SLC4A4: variants seen among roughly 807,000 people sequenced by gnomAD.
SLC4A4 encodes the protein solute carrier family 4 member 4.
In SLC4A4, 27 loss-of-function variants were observed where a neutral mutation model predicts 111.5. The ratio of observed to expected loss-of-function variants is 0.24; its 90% CI spans 0.18 to 0.33. The LOEUF is 0.33. Ranked by LOEUF, SLC4A4 falls within the 10% of genes least tolerant of loss-of-function variation. SLC4A4 has a pLI of 1.00. For missense variants in SLC4A4, 909 were observed against 1,315.5 expected (o/e 0.69, Z 4.78); for synonymous variants, 443 against 463.4 (o/e 0.96, Z 0.57).
rs1355390771 is a variant in SLC4A4 at position 71,557,844 on chromosome 4, A to G, written c.2896A>G (p.Ile966Val). The G allele has an allele frequency of 6.2e-7, 1 of 1,612,554 alleles. No homozygotes were observed. The highest frequency in any genetic ancestry group is 8.5e-7 in the Non-Finnish European group (1 of 1,179,198). ...GGTGTTGTGTCTGGCCCTGCTTTGG[A>G]TCCTCAAGTCAACGGTGGCTGCTAT... The part of the protein sequence containing the change: ...LQVLCLALLW[I>V]LKSTVAAIIF... The change falls in exon 22 of 26, where the codon ATC becomes GTC. Residue 966 changes from isoleucine (I) to valine (V), a missense_variant. Physicochemically the swap from Ile to Val is conservative, Grantham distance 29 (BLOSUM62 3). Around this residue, in one of 7 missense-constraint regions of SLC4A4, gnomAD observed 104 missense variants for 219.5 expected, o/e 0.47. Transcript: ENST00000264485.
chr4:71,097,782 T>C (rs1742601430), intron 2 of SLC4A4, among the ~76,000 whole-genome samples: 1 of 152,148 alleles, frequency 6.6e-6, no homozygotes, highest in African/African-American at 2.4e-5. Flanking sequence ...ATTAGTGACA[T>C]AGAGCTTTTT....
At chr4:71,303,555 G>A (rs149840094) in intron 3 of SLC4A4, among the ~76,000 whole-genome samples, 221 of 152,202 alleles carry the variant, frequency 1.5e-3, no homozygotes, top group Non-Finnish European at 2.7e-3. Context: ...TAGCTCCTTG[G>A]GAATCACAGT....
At chr4:71,436,982 G>A in intron 7 of SLC4A4, 1 of 346,284 alleles carries the variant, frequency 2.9e-6, no homozygotes, top group Admixed American at 4.3e-5. Flanking sequence ...TAAAAAAAAA[G>A]ATTCTTCAAA....
Position 71,501,717 on chromosome 4 carries a change from A to C in SLC4A4, c.2166+4025A>C, listed in dbSNP as rs113837455. Reference sequence around the variant, plus strand: ...CTCTCTGTCACCCAGGCTGGAGTGCAGTGGTGCCATCTCAGCTCACTGCAA... The same window carrying C: ...CTCTCTGTCACCCAGGCTGGAGTGCCGTGGTGCCATCTCAGCTCACTGCAA... On this transcript the variant is annotated intron_variant, in intron 16 of 25. Transcript: ENST00000264485. Among the ~76,000 whole-genome samples, 124 of 151,888 alleles carry C rather than the reference A, an allele frequency of 8.2e-4. 1 individual carries two copies. Among genetic ancestry groups the C allele is most frequent in the Non-Finnish European group, 2.2e-4 (15 of 67,970 alleles).
At chr4:71,419,914 C>T (rs1457124702) in intron 7 of SLC4A4, among the ~76,000 whole-genome samples, 3 of 152,162 alleles carry the variant, frequency 2.0e-5, no homozygotes, top group Non-Finnish European at 4.4e-5. Context: ...AAAACTAGAA[C>T]TCTAAAAAGC....
intron 3 of SLC4A4, among the ~76,000 whole-genome samples, chr4:71,314,556 G>A (rs1446701317): frequency 6.6e-6 from 1 of 152,172 alleles, no homozygotes; most frequent in Non-Finnish European, 1.5e-5. Context: ...AGAAAATGTG[G>A]CACATATACA....
chr4:71,376,842 G>C (rs1365824944), intron 6 of SLC4A4, among the ~76,000 whole-genome samples: 1 of 151,666 alleles, frequency 6.6e-6, no homozygotes, highest in Non-Finnish European at 1.5e-5. Flanking sequence ...TTGCCATGTT[G>C]CCGAGGCTGG....
At chr4:71,295,979 G>T (rs1724755673) in intron 3 of SLC4A4, among the ~76,000 whole-genome samples, 1 of 152,052 alleles carries the variant, frequency 6.6e-6, no homozygotes, top group African/African-American at 2.4e-5. Context: ...CATTTCTAAG[G>T]CATTGTATCA....
intron 2 of SLC4A4, among the ~76,000 whole-genome samples, chr4:71,121,340 T>C (rs956692442): frequency 6.6e-6 from 1 of 152,132 alleles, no homozygotes; most frequent in East Asian, 1.9e-4. Context: ...TGCACGGCGC[T>C]GGACTGAGGA....
chr4:71,062,804 A>C (rs1035921732), intron 1 of SLC4A4, among the ~76,000 whole-genome samples: 1 of 152,164 alleles, frequency 6.6e-6, no homozygotes, highest in Non-Finnish European at 1.5e-5. Flanking sequence ...TAAAACAATA[A>C]ATATTTTCTT....
chr4:71,125,418 CA>C, intron 2 of SLC4A4, among the ~76,000 whole-genome samples: 1 of 152,234 alleles, frequency 6.6e-6, no homozygotes, highest in East Asian at 1.9e-4. Context: ...ACTAAAAATA[CA>C]AAAAAATTAG....
intron 2 of SLC4A4, among the ~76,000 whole-genome samples, chr4:71,167,448 ACT>A (rs1442553169): frequency 6.6e-6 from 1 of 152,056 alleles, no homozygotes; most frequent in Non-Finnish European, 1.5e-5. Flanking sequence ...TGAGAATTAG[ACT>A]CTGCCTTTTG....
chr4:71,387,257 A>C (rs1045349814), intron 6 of SLC4A4, among the ~76,000 whole-genome samples: 1 of 152,094 alleles, frequency 6.6e-6, no homozygotes, highest in Non-Finnish European at 1.5e-5. Context: ...AATAGCATAA[A>C]TGGTGTCATG....
chr4:71,557,935 G>T, intron 22 of SLC4A4, 50 bp downstream of exon 22: 1 of 1,501,846 alleles, frequency 6.7e-7, no homozygotes, highest in Non-Finnish European at 9.3e-7. Flanking sequence ...TGAGTATCAT[G>T]TGGTTATTGT....
chr4:71,371,069 ATAAC>A (rs1731828738), intron 6 of SLC4A4, among the ~76,000 whole-genome samples: 1 of 152,160 alleles, frequency 6.6e-6, no homozygotes, highest in Non-Finnish European at 1.5e-5. Flanking sequence ...CACCTAGTGA[ATAAC>A]TAAGGTGTGC....
intron 1 of SLC4A4, among the ~76,000 whole-genome samples, chr4:71,232,235 T>C (rs989994030): frequency 6.6e-6 from 1 of 152,230 alleles, no homozygotes; most frequent in Non-Finnish European, 1.5e-5. Flanking sequence ...ATGTGAAATA[T>C]GCATCAAAGA....
chr4:71,069,425 A>C (rs1312593997), intron 1 of SLC4A4, among the ~76,000 whole-genome samples: 1 of 152,240 alleles, frequency 6.6e-6, no homozygotes, highest in Non-Finnish European at 1.5e-5. Context: ...ACGACAGAGC[A>C]GGTAGAAAGA....
rs1728119658 is a variant in SLC4A4, at chr4:71,474,025, ACC to A, written c.1903+1057_1903+1058del. 2.0e-5 allele frequency among the ~76,000 whole-genome samples: 3 copies of A among 150,984 alleles called. No homozygotes were observed. The South Asian group carries it at 6.3e-4, about 32-fold the overall frequency. On this transcript the variant is annotated intron_variant, in intron 14 of 25. Coordinates refer to ENST00000264485, the MANE Select transcript of SLC4A4 (RefSeq NM_001098484.3). ...AGACCAGTCCGGGCAACATTATGAA[ACC>A]CTGTGTCTACAAAAAATAGAAAAAC... is the stretch of plus-strand genomic sequence containing the variant.
At chr4:71,199,927 A>G (rs1157643422) in intron 1 of SLC4A4, among the ~76,000 whole-genome samples, 4 of 151,502 alleles carry the variant, frequency 2.6e-5, no homozygotes, top group African/African-American at 9.8e-5. Context: ...CTGGGATTAC[A>G]GGCGTGAACC....
Sources: gnomAD v4.1 joint callset for allele counts (sites outside exome capture counted in the v4.1 genomes callset) on GRCh38, gnomAD v4.1.1 for gene constraint, gnomAD v4.1.1 regional missense constraint, MANE v1.5 for transcripts, NCBI Gene and HGNC (gene_info 2026-07-23, HGNC 2026-07-21) for gene names.